Variants in LRIG1 observed in about 807,000 individuals in gnomAD.
LRIG1 encodes leucine-rich repeats and immunoglobulin-like domains protein 1.
A neutral mutation model predicts 99.2 loss-of-function variants in LRIG1; 48 were observed. The observed-to-expected ratio is 0.48, with a 90% CI of 0.38 to 0.62. The LOEUF (loss-of-function observed/expected upper bound fraction) is 0.62, where lower values mean the gene tolerates loss of function less well. LRIG1 is among the 20% of genes least tolerant of loss of function. The pLI is 0.00. For missense variants in LRIG1, 1,646 were observed against 1,434.4 expected (o/e 1.15, Z -2.38); for synonymous variants, 772 against 596.1 (o/e 1.29, Z -4.30).
intron 3 of LRIG1, among the ~76,000 whole-genome samples, chr3:66,446,701 C>T (rs1012382372): frequency 2.6e-5 from 4 of 152,014 alleles, no homozygotes; most frequent in Non-Finnish European, 2.9e-5. Context: ...CCACCATGCC[C>T]GGCCTTCCTA....
chr3:66,434,655 A>G (rs1397185288), intron 3 of LRIG1, among the ~76,000 whole-genome samples: 1 of 151,874 alleles, frequency 6.6e-6, no homozygotes, highest in Admixed American at 6.6e-5. Flanking sequence ...GCTGAGGCAT[A>G]AGAATCACTT....
At chr3:66,425,704 G>A (rs575209952) in intron 3 of LRIG1, among the ~76,000 whole-genome samples, 19 of 152,220 alleles carry the variant, frequency 1.2e-4, no homozygotes, top group African/African-American at 3.6e-4. Context: ...TATGGGGACC[G>A]GGGGAAGTGT....
Position 66,501,010 on chromosome 3 carries a change from T to C in LRIG1, c.-603A>G, listed in dbSNP as rs1295953596. The C allele has an allele frequency of 1.3e-5, 2 of 152,270 alleles. No individual in the cohort carries two copies. The highest frequency in any genetic ancestry group is 4.8e-5 in the African/African-American group (2 of 41,352). 9.4% of individuals were successfully genotyped at this position (152,270 alleles called of 1,614,324 possible). The stretch of plus-strand genomic sequence containing the variant: ...TCCCGCCGACCTCGCAGCCGAACAA[T>C]CAGCCGCTTGCTGTTCGCCTCCCCG... On this transcript the variant is annotated 5_prime_UTR_variant, in exon 1 of 19. Coordinates refer to ENST00000273261, the MANE Select transcript of LRIG1 (RefSeq NM_015541.3).
chr3:66,454,005 G>C (rs1415069054), intron 2 of LRIG1, among the ~76,000 whole-genome samples: 1 of 152,180 alleles, frequency 6.6e-6, no homozygotes, highest in Non-Finnish European at 1.5e-5. Flanking sequence ...TAGAGGGGTG[G>C]TGGACCAGTG....
At chr3:66,453,660 G>A (rs1703980611) in intron 2 of LRIG1, among the ~76,000 whole-genome samples, 1 of 152,134 alleles carries the variant, frequency 6.6e-6, no homozygotes, top group Admixed American at 6.5e-5. Context: ...CACTCATCTA[G>A]GGTCATGCTA....
chr3:66,390,634 A>C (rs1701580913), intron 12 of LRIG1, among the ~76,000 whole-genome samples: 1 of 152,164 alleles, frequency 6.6e-6, no homozygotes, highest in Non-Finnish European at 1.5e-5. Context: ...AGGAAATGGC[A>C]AGGGATCCAT....
At chr3:66,426,539 A>G (rs1282165870) in intron 3 of LRIG1, among the ~76,000 whole-genome samples, 1 of 152,198 alleles carries the variant, frequency 6.6e-6, no homozygotes, top group East Asian at 1.9e-4. Flanking sequence ...AACTGCAGAG[A>G]GAAAACTTTC....
chr3:66,456,810 G>A (rs572501502), intron 2 of LRIG1, among the ~76,000 whole-genome samples: 7 of 152,242 alleles, frequency 4.6e-5, no homozygotes, highest in East Asian at 3.9e-4. Context: ...GCAAGCACAC[G>A]GCAACACCCA....
intron 3 of LRIG1, among the ~76,000 whole-genome samples, chr3:66,431,684 C>T (rs1703177920): frequency 6.6e-6 from 1 of 152,160 alleles, no homozygotes; most frequent in Non-Finnish European, 1.5e-5. Context: ...TCTGACCTCA[C>T]CAACTAGGAC....
rs1183223384 is a variant in LRIG1, at chr3:66,414,036, T to C, written c.647+884A>G. On this transcript the variant is annotated intron_variant, in intron 5 of 18. Coordinates refer to ENST00000273261, the MANE Select transcript of LRIG1 (RefSeq NM_015541.3). ...TGGTTAACAGAGCTTTACTTGAATC[T>C]AAAACTCTGCCTTCTAGAAGGGTAC... Among the ~76,000 whole-genome samples, 3 of 152,200 alleles carry C rather than the reference T, an allele frequency of 2.0e-5. No individual in the cohort carries two copies. The East Asian group carries it at 5.8e-4, about 29-fold the overall frequency.
At chr3:66,421,066 T>C (rs558922778) in intron 3 of LRIG1, among the ~76,000 whole-genome samples, 62 of 152,232 alleles carry the variant, frequency 4.1e-4, no homozygotes, top group African/African-American at 1.4e-3. Flanking sequence ...GAGAACAGCA[T>C]AGGAAAAACC....
intron 3 of LRIG1, among the ~76,000 whole-genome samples, chr3:66,424,555 T>C (rs1209242386): frequency 6.6e-6 from 1 of 152,202 alleles, no homozygotes; most frequent in Non-Finnish European, 1.5e-5. Context: ...TTAACATAAC[T>C]AACTGCACAG....
In LRIG1 at chr3:66,379,524, TTTAA is replaced by T. The variant is rs1700906848; in HGVS notation, c.*735_*738del. ...AATAAGAGGAGGAGGAAAGGCAGTG[TTTAA>T]CTGTTCTGACCTTTTGCTTGTGATG... On this transcript the variant is annotated 3_prime_UTR_variant, in exon 19 of 19. Transcript: ENST00000273261. 6.6e-6 allele frequency: 1 copy of T among 152,144 alleles called. No homozygotes were observed. The allele number at this position is 152,144 out of a possible 1,614,324, so 9.4% of individuals were successfully genotyped here.
rs766125448 is a variant in LRIG1, at chr3:66,386,060, C to T, written c.1710G>A (p.Gly570=). Residue 570 remains glycine, a synonymous_variant, in exon 13 of 19, where the codon GGG becomes GGA. Transcript: ENST00000273261. ...TGACACATTGGTAGCGGCCCTCGTG[C>T]CCGAAAGTGACCTGACGGAGGTGCA... ...TILHLRQVTF[G]HEGRYQCVIT... 3.7e-6 allele frequency: 6 copies of T among 1,614,068 alleles called. No homozygotes were observed. The East Asian group carries it at 1.1e-4, about 30-fold the overall frequency.
At chr3:66,395,869 C>G (rs927570901) in intron 11 of LRIG1, among the ~76,000 whole-genome samples, 15 of 152,250 alleles carry the variant, frequency 9.9e-5, no homozygotes, top group African/African-American at 3.4e-4. Context: ...AGCTCCCCAG[C>G]AAGAGGGCAC....
chr3:66,425,351 G>C (rs1260204627), intron 3 of LRIG1, among the ~76,000 whole-genome samples: 1 of 152,208 alleles, frequency 6.6e-6, no homozygotes, highest in Non-Finnish European at 1.5e-5. Flanking sequence ...TCTCATACAA[G>C]CTTCCCAGAG....
chr3:66,499,692 C>A (rs1701309794), intron 1 of LRIG1, among the ~76,000 whole-genome samples: 1 of 152,140 alleles, frequency 6.6e-6, no homozygotes, highest in African/African-American at 2.4e-5. Context: ...AAACGAAAGA[C>A]TGGACCCAAC....
intron 7 of LRIG1, among the ~76,000 whole-genome samples, chr3:66,409,137 A>G (rs1702382621): frequency 6.6e-6 from 1 of 152,112 alleles, no homozygotes; most frequent in South Asian, 2.1e-4. Context: ...ACTCTTAACA[A>G]TCATTCACTT....
intron 13 of LRIG1, among the ~76,000 whole-genome samples, chr3:66,384,970 C>T (rs1485430135): frequency 2.6e-5 from 4 of 152,178 alleles, no homozygotes; most frequent in Non-Finnish European, 5.9e-5. Context: ...AAGACAACCC[C>T]ACTACAGTGT....
Sources: gnomAD v4.1 joint callset for allele counts (sites outside exome capture counted in the v4.1 genomes callset) on GRCh38, gnomAD v4.1.1 for gene constraint, MANE v1.5 for transcripts, NCBI Gene and HGNC (gene_info 2026-07-23, HGNC 2026-07-21) for gene names.